The following PELI2 variants were observed in gnomAD, a reference collection of about 807,000 sequenced individuals.
PELI2 encodes pellino E3 ubiquitin protein ligase family member 2, also known as E3 ubiquitin-protein ligase pellino homolog 2.
PELI2 carries 23 observed loss-of-function variants against 42.3 expected under a neutral mutation model. That is an observed-to-expected ratio of 0.54 (90% CI 0.39 to 0.77). PELI2 has a LOEUF of 0.77. PELI2 is among the 30% of genes least tolerant of loss of function. The pLI is 0.00. For synonymous variants in PELI2, 245 were observed against 212.2 expected (o/e 1.15, Z -1.34); for missense variants, 463 against 553.2 (o/e 0.84, Z 1.64).
intron 2 of PELI2, among the ~76,000 whole-genome samples, chr14:56,192,519 G>A (rs777452449): frequency 1.9e-4 from 29 of 152,100 alleles, no homozygotes; most frequent in Non-Finnish European, 3.2e-4. Flanking sequence ...CTGTGCCCTC[G>A]TATGATTACC....
intron 1 of PELI2, among the ~76,000 whole-genome samples, chr14:56,174,661 C>T (rs545982353): frequency 6.6e-6 from 1 of 152,302 alleles, no homozygotes; most frequent in East Asian, 1.9e-4. Context: ...CTTTCTCTCT[C>T]CTGTTGCCGT....
chr14:56,238,600 G>A (rs986334303), intron 2 of PELI2, among the ~76,000 whole-genome samples: 2 of 152,232 alleles, frequency 1.3e-5, no homozygotes, highest in Middle Eastern at 6.8e-3. Context: ...CCTGACTTTT[G>A]ATGGAAGGGT....
chr14:56,268,740 C>G (rs564755815), intron 2 of PELI2, among the ~76,000 whole-genome samples: 127 of 152,288 alleles, frequency 8.3e-4, no homozygotes, highest in African/African-American at 3.0e-3. Flanking sequence ...GTGGTCCTTA[C>G]TGCAGGATCA....
intron 1 of PELI2, among the ~76,000 whole-genome samples, chr14:56,162,019 T>C (rs1884783222): frequency 6.6e-6 from 1 of 152,162 alleles, no homozygotes; most frequent in Admixed American, 6.5e-5. Context: ...GGTGTATATA[T>C]TTAGGGGTAC....
chr14:56,173,754 C>A (rs115380183), intron 1 of PELI2, among the ~76,000 whole-genome samples: 340 of 152,302 alleles, frequency 2.2e-3, no homozygotes, highest in African/African-American at 7.8e-3. Context: ...TCCTCTCTAT[C>A]CCTGTGTACC....
intron 2 of PELI2, among the ~76,000 whole-genome samples, chr14:56,204,593 G>C (rs1886447683): frequency 6.6e-6 from 1 of 152,108 alleles, no homozygotes; most frequent in Non-Finnish European, 1.5e-5. Flanking sequence ...AAATGTATGG[G>C]TGTGGAGCTC....
chr14:56,239,967 G>T (rs1485725344), intron 2 of PELI2, among the ~76,000 whole-genome samples: 2 of 152,194 alleles, frequency 1.3e-5, no homozygotes, highest in African/African-American at 4.8e-5. Flanking sequence ...AGGATTTGGA[G>T]ATGAAGACCC....
chr14:56,169,690 T>A (rs1885098020), intron 1 of PELI2, among the ~76,000 whole-genome samples: 1 of 152,164 alleles, frequency 6.6e-6, no homozygotes, highest in Non-Finnish European at 1.5e-5. Flanking sequence ...CATGAAGGTG[T>A]TTTTTCTGTG....
At chr14:56,160,955 TGTG>T (rs1432546177) in intron 1 of PELI2, among the ~76,000 whole-genome samples, 4 of 152,130 alleles carry the variant, frequency 2.6e-5, no homozygotes, top group Admixed American at 6.5e-5. Context: ...TTCACACAAA[TGTG>T]GTGACTTTTA....
intron 1 of PELI2, among the ~76,000 whole-genome samples, chr14:56,158,041 A>G (rs1033251080): frequency 2.6e-5 from 4 of 152,068 alleles, no homozygotes; most frequent in Non-Finnish European, 4.4e-5. Context: ...TCTTCTTCTT[A>G]TTTTGAGATG....
At chr14:56,154,189 A>C (rs1021752627) in intron 1 of PELI2, among the ~76,000 whole-genome samples, 5 of 152,330 alleles carry the variant, frequency 3.3e-5, no homozygotes, top group Admixed American at 2.0e-4. Context: ...AGATGATGCT[A>C]TATGTACATT....
At chr14:56,195,137 A>C (rs746905887) in intron 2 of PELI2, among the ~76,000 whole-genome samples, 1 of 152,202 alleles carries the variant, frequency 6.6e-6, no homozygotes, top group Non-Finnish European at 1.5e-5. Flanking sequence ...TGCAGGTGGA[A>C]GGATGCATGC....
At chr14:56,296,216 T>G (rs2139909796) in intron 5 of PELI2, among the ~76,000 whole-genome samples, 1 of 152,316 alleles carries the variant, frequency 6.6e-6, no homozygotes, top group South Asian at 2.1e-4. Context: ...AGGATGAGTC[T>G]CCACTGGATG....
intron 2 of PELI2, among the ~76,000 whole-genome samples, chr14:56,270,895 G>A (rs1429913974): frequency 6.6e-6 from 1 of 152,138 alleles, no homozygotes; most frequent in African/African-American, 2.4e-5. Context: ...GATCTCTGCA[G>A]TATCTACATG....
chr14:56,297,178 G>T lies in PELI2; in HGVS notation c.*12G>T, dbSNP rs202199607. 1.1e-4 allele frequency: 170 copies of T among 1,571,440 alleles called. No homozygotes were observed. Among genetic ancestry groups the T allele is most frequent in the Non-Finnish European group, 1.4e-4 (158 of 1,158,032 alleles). On this transcript the variant is annotated 3_prime_UTR_variant, in exon 6 of 6. Transcript: ENST00000267460. ...GTCCAATTGACTGACGCCCTTGACA[G>T]CCATCTACGACTTTATTAACAGGTT...
intron 2 of PELI2, among the ~76,000 whole-genome samples, chr14:56,275,789 G>C (rs550585579): frequency 3.3e-5 from 5 of 152,284 alleles, no homozygotes; most frequent in African/African-American, 1.2e-4. Context: ...GGGACCCCTG[G>C]TGTACACAGC....
At chr14:56,125,027 C>A (rs1396625662) in intron 1 of PELI2, among the ~76,000 whole-genome samples, 1 of 152,102 alleles carries the variant, frequency 6.6e-6, no homozygotes, top group Non-Finnish European at 1.5e-5. Context: ...TGAAGAAAGC[C>A]CTCTGCTCTT....
chr14:56,183,668 A>G (rs1192977800), intron 2 of PELI2, among the ~76,000 whole-genome samples: 1 of 152,204 alleles, frequency 6.6e-6, no homozygotes, highest in Non-Finnish European at 1.5e-5. Context: ...ACATGGCTCC[A>G]ACAATTTCAC....
rs1887050755 is a variant in PELI2, at chr14:56,219,663, G to T, written c.207+41199G>T. Among the ~76,000 whole-genome samples the T allele has an allele frequency of 6.6e-6, 1 of 152,150 alleles. No individual in the cohort carries two copies. The highest frequency in any genetic ancestry group is 1.5e-5 in the Non-Finnish European group (1 of 68,032). On this transcript the variant is annotated intron_variant, in intron 2 of 5. Coordinates refer to ENST00000267460, the MANE Select transcript of PELI2 (RefSeq NM_021255.3). The surrounding 1 kb of genome is among the most constrained non-coding windows in gnomAD (Gnocchi z 4.1). ...CTTGTTTATGGATGATTCTTAACTG[G>T]CTGATTATCCCATTTCTATTTCAGT...
Sources: allele counts gnomAD v4.1 joint callset (sites outside exome capture counted in the v4.1 genomes callset), GRCh38; gene constraint gnomAD v4.1.1; non-coding constraint Gnocchi (gnomAD v3.1); transcripts MANE v1.5; gene names NCBI Gene and HGNC (gene_info 2026-07-23, HGNC 2026-07-21).